Variants in NF1 observed in about 807,000 individuals in gnomAD.
The protein encoded by NF1 is neurofibromin.
In NF1, 122 loss-of-function variants were observed where a neutral mutation model predicts 325.7. The observed-to-expected ratio is 0.37, with a 90% CI of 0.32 to 0.44. NF1 has a LOEUF of 0.44. NF1 is among the 20% of genes least tolerant of loss of function. NF1 has a pLI of 1.00. For missense variants in NF1, 2,140 were observed against 3,415.4 expected (o/e 0.63, Z 9.31); for synonymous variants, 1,091 against 1,186.0 (o/e 0.92, Z 1.65).
Position 31,206,047 on chromosome 17 carries a change from A to G in NF1, c.1261-193A>G, listed in dbSNP as rs1234235144. 3.3e-5 allele frequency among the ~76,000 whole-genome samples: 5 copies of G among 152,142 alleles called. No individual in the cohort carries two copies. In the East Asian group the frequency reaches 9.6e-4, roughly 29 times the overall value. On this transcript the variant is annotated intron_variant, in intron 11 of 57. Coordinates refer to ENST00000358273, the MANE Select transcript of NF1 (RefSeq NM_001042492.3). ...TGTCTCATGCTCACTATTATGTTTT[A>G]TAATATAATATGTATGAGTTAGTGT... is the stretch of plus-strand genomic sequence containing the variant.
At chr17:31,230,461 G>C in intron 23 of NF1, 79 bp downstream of exon 23, 2 of 1,534,792 alleles carry the variant, frequency 1.3e-6, no homozygotes, top group Admixed American at 1.7e-5. Flanking sequence ...GTAGATATGC[G>C]GTTATTGGTA....
chr17:31,155,927 T>C (rs2143623870), intron 1 of NF1, 56 bp from the exon 2 acceptor site: 4 of 1,576,420 alleles, frequency 2.5e-6, no homozygotes, highest in Non-Finnish European at 8.6e-7. Flanking sequence ...GTAAGTTATT[T>C]ATGGTCGTTT....
At chr17:31,331,904 T>TAAAAAAAAAAAAAAAAAAAAAAAAA (rs755592420) in intron 39 of NF1, 1 of 42,866 alleles carries the variant, frequency 2.3e-5, no homozygotes, top group African/African-American at 1.3e-4. Flanking sequence ...CCTTCTCTAT[T>TAAAAAAAAAAAAAAAAAAAAAAAAA]AAAAAAAAAA....
At chr17:31,361,375 A>G (rs1036286416) in intron 57 of NF1, 12 of 152,582 alleles carry the variant, frequency 7.9e-5, no homozygotes, top group Non-Finnish European at 1.3e-4. Context: ...TGGCAAACCT[A>G]CAGAACTCTG....
intron 35 of NF1, among the ~76,000 whole-genome samples, chr17:31,264,219 C>T (rs374269800): frequency 6.1e-4 from 92 of 152,044 alleles, no homozygotes; most frequent in African/African-American, 2.0e-3. Context: ...GCCAGCATGG[C>T]GAAACCCCAT....
At position 31,181,801 on chromosome 17, in the gene NF1, A is replaced by ATTTTTTTTTTTTTT. The variant is rs71142032; in HGVS notation, c.730+19_730+32dup. ...GATATGGCTGGTAAGGATACGATTG[A>ATTTTTTTTTTTTTT]TTTTTTTTTTTTTTTTGTCTTTTAA... On this transcript the variant is annotated intron_variant, in intron 7 of 57. Transcript: ENST00000358273. 22 of 1,218,956 alleles carry ATTTTTTTTTTTTTT rather than the reference A, an allele frequency of 1.8e-5. No individual in the cohort carries two copies. The highest frequency in any genetic ancestry group is 5.8e-5 in the Admixed American group (3 of 51,436). 75.5% of individuals were successfully genotyped at this position (1,218,956 alleles called of 1,614,324 possible). A position where few individuals can be genotyped will look rare whatever the true frequency, so the allele number is the denominator to read the frequency against.
At chr17:31,102,856 T>G (rs975057574) in intron 1 of NF1, among the ~76,000 whole-genome samples, 7 of 152,086 alleles carry the variant, frequency 4.6e-5, no homozygotes, top group African/African-American at 9.7e-5. Flanking sequence ...CTTCATTTTT[T>G]TTTTTTTGAG....
intron 1 of NF1, among the ~76,000 whole-genome samples, chr17:31,154,339 G>A (rs1337494600): frequency 1.3e-5 from 2 of 152,066 alleles, no homozygotes; most frequent in African/African-American, 4.8e-5. Flanking sequence ...TTACAAATGT[G>A]AGCCACCGCA....
intron 48 of NF1, among the ~76,000 whole-genome samples, chr17:31,344,506 T>C (rs962304577): frequency 6.6e-6 from 1 of 152,200 alleles, no homozygotes; most frequent in Non-Finnish European, 1.5e-5. Flanking sequence ...AAGCTATAGC[T>C]TGAGTCAACA....
rs1555606044 is a variant in NF1 at position 31,163,188 on chromosome 17, A to G, written c.291A>G (p.Gln97=). The change falls in exon 4 of 58, where the codon CAA becomes CAG. Residue 97 remains glutamine, a splice_region_variant and synonymous_variant. Coordinates refer to ENST00000358273, the MANE Select transcript of NF1 (RefSeq NM_001042492.3). Reference sequence around the variant, plus strand: ...TAATGTGATTATTTCTATTTTAGCAACCAAAGGACACAATGAGATTAGATG... The same window carrying G: ...TAATGTGATTATTTCTATTTTAGCAGCCAAAGGACACAATGAGATTAGATG... ...LDTLEKCLAG[Q]PKDTMRLDET... 2.5e-6 allele frequency: 4 copies of G among 1,614,094 alleles called. No individual in the cohort carries two copies. Among genetic ancestry groups the G allele is most frequent in the Non-Finnish European group, 2.5e-6 (3 of 1,179,974 alleles).
At position 31,303,872 on chromosome 17, in the gene NF1, C is replaced by G. The variant is rs187173865; in HGVS notation, c.4836-21948C>G. ...AAAACTTGAAGCATATACTTAGTCT[C>G]TTATTCCTCTCCACCCTGGTCTTTG... On this transcript the variant is annotated intron_variant, in intron 36 of 57. Transcript: ENST00000358273. The G allele has an allele frequency of 9.0e-3, 1,407 of 156,840 alleles. 19 individuals carry two copies. The highest frequency in any genetic ancestry group is 0.027 in the Middle Eastern group (8 of 296). The allele number at this position is 156,840 out of a possible 1,614,324, so 9.7% of individuals were successfully genotyped here.
intron 29 of NF1, among the ~76,000 whole-genome samples, chr17:31,240,013 C>G (rs931280714): frequency 1.4e-4 from 21 of 152,350 alleles, no homozygotes; most frequent in Admixed American, 1.1e-3. Context: ...AGCCGCCTGT[C>G]TTGGCCTCCC....
intron 29 of NF1, among the ~76,000 whole-genome samples, chr17:31,239,265 A>G (rs2067254082): frequency 1.3e-5 from 2 of 152,220 alleles, no homozygotes; most frequent in South Asian, 4.1e-4. Context: ...AAGGCTAGAG[A>G]AAAAAGCTGT....
chr17:31,249,246 A>G, intron 30 of NF1, 127 bp downstream of exon 30: 1 of 1,090,570 alleles, frequency 9.2e-7, no homozygotes, highest in Admixed American at 1.8e-5. Context: ...TTGGATGAAT[A>G]ATACATTGAG....
chr17:31,237,325 A>C (rs2067220609), intron 29 of NF1, among the ~76,000 whole-genome samples: 1 of 152,062 alleles, frequency 6.6e-6, no homozygotes, highest in Non-Finnish European at 1.5e-5. Context: ...CCCAGGCTGG[A>C]GTGCGGTGGC....
intron 1 of NF1, among the ~76,000 whole-genome samples, chr17:31,150,027 A>C (rs1404511979): frequency 6.6e-6 from 1 of 152,164 alleles, no homozygotes; most frequent in Non-Finnish European, 1.5e-5. Context: ...TTACTGTGAA[A>C]CCTTCAGAAT....
rs528787646 is a variant in NF1 at position 31,354,725 on chromosome 17, G to A, written c.7616-1735G>A. ...AGAAGAACCAGCAGGTTTGGAGCTG[G>A]GCATAATGGTACACACCTCTAGTCC... is the stretch of plus-strand genomic sequence containing the variant. On this transcript the variant is annotated intron_variant, in intron 51 of 57. Coordinates refer to ENST00000358273, the MANE Select transcript of NF1 (RefSeq NM_001042492.3). 1.2e-4 allele frequency among the ~76,000 whole-genome samples: 18 copies of A among 152,246 alleles called. No homozygotes were observed. The South Asian group carries it at 3.1e-3, about 26-fold the overall frequency.
intron 9 of NF1, 130 bp downstream of exon 9, chr17:31,200,725 G>C (rs2066512930): frequency 5.5e-6 from 6 of 1,085,824 alleles, no homozygotes; most frequent in Non-Finnish European, 8.2e-6. Flanking sequence ...CATAGGACTT[G>C]CTTTTGTTGT....
chr17:31,367,971 AT>A (rs968032611), intron 57 of NF1, among the ~76,000 whole-genome samples: 179 of 151,710 alleles, frequency 1.2e-3, no homozygotes, highest in African/African-American at 3.4e-3. Context: ...AAAAAAAAAA[AT>A]ATATGGTCAT....
Sources: allele counts gnomAD v4.1 joint callset (sites outside exome capture counted in the v4.1 genomes callset), GRCh38; gene constraint gnomAD v4.1.1; transcripts MANE v1.5; gene names NCBI Gene and HGNC (gene_info 2026-07-23, HGNC 2026-07-21).